The following CADM2 variants were observed in gnomAD, a reference collection of about 807,000 sequenced individuals.
The protein encoded by CADM2 is cell adhesion molecule 2.
Under a neutral mutation model 49.8 loss-of-function variants are expected in CADM2, and 12 were observed. The observed-to-expected ratio is 0.24, with a 90% confidence interval of 0.15 to 0.39. The LOEUF is 0.39. Ranked by LOEUF, CADM2 falls within the 10% of genes least tolerant of loss-of-function variation. CADM2 has a pLI of 1.00. For missense variants in CADM2, 378 were observed against 492.3 expected, an observed-to-expected ratio of 0.77 and a Z score of 2.20; for synonymous variants, 214 against 175.4, an observed-to-expected ratio of 1.22 and a Z score of -1.74.
intron 5 of CADM2, among the ~76,000 whole-genome samples, chr3:85,909,483 A>C (rs897712858): frequency 6.6e-6 from 1 of 151,934 alleles, no homozygotes; most frequent in African/African-American, 2.4e-5. Flanking sequence ...AAAAAGAGAA[A>C]AAGATGGGAA....
intron 1 of CADM2, among the ~76,000 whole-genome samples, chr3:84,964,793 T>C (rs942186500): frequency 2.6e-5 from 4 of 152,212 alleles, no homozygotes; most frequent in African/African-American, 7.2e-5. Context: ...TAAACAGTCA[T>C]GTTGGATTGA....
At chr3:86,024,981 C>A (rs1438867606) in intron 8 of CADM2, among the ~76,000 whole-genome samples, 1 of 151,908 alleles carries the variant, frequency 6.6e-6, no homozygotes, top group Non-Finnish European at 1.5e-5. Context: ...CAGGCTCAAG[C>A]GATTCTCATG....
In CADM2 at chr3:86,000,885, T is replaced by C. The variant is rs527350201; in HGVS notation, c.970+39238T>C. On this transcript the variant is annotated intron_variant, in intron 8 of 9. Transcript: ENST00000383699. ...GAAAGAGAGAGAGGAGAGGTCCTAATTGGTTTTTTAATAAAATAGAAACAT... is the reference window on the plus strand; with the variant it reads ...GAAAGAGAGAGAGGAGAGGTCCTAACTGGTTTTTTAATAAAATAGAAACAT... 7.2e-5 allele frequency among the ~76,000 whole-genome samples: 11 copies of C among 152,196 alleles called. No homozygotes were observed. The South Asian group carries it at 1.9e-3, about 26-fold the overall frequency.
At chr3:84,976,663 C>T (rs1299060810) in intron 1 of CADM2, among the ~76,000 whole-genome samples, 1 of 151,720 alleles carries the variant, frequency 6.6e-6, no homozygotes, top group Non-Finnish European at 1.5e-5. Context: ...CCGAAATGCT[C>T]TATACATTTT....
chr3:86,041,527 G>A (rs1403169382), intron 8 of CADM2, among the ~76,000 whole-genome samples: 1 of 152,128 alleles, frequency 6.6e-6, no homozygotes, highest in African/African-American at 2.4e-5. Context: ...AACAAGAAGA[G>A]CTAACTATCT....
At chr3:85,791,544 A>AAGAG (rs71112119) in intron 2 of CADM2, among the ~76,000 whole-genome samples, 2,816 of 99,916 alleles carry the variant, frequency 0.028, 123 homozygotes, top group African/African-American at 0.092. Flanking sequence ...GAGAGAGAGA[A>AAGAG]AGAGAGAGAG....
intron 1 of CADM2, among the ~76,000 whole-genome samples, chr3:85,363,642 C>T (rs747111144): frequency 4.6e-5 from 7 of 152,144 alleles, no homozygotes; most frequent in African/African-American, 9.7e-5. Context: ...GACGGAGTCT[C>T]GCTGTATGGC....
At chr3:85,681,501 C>A (rs963867077) in intron 1 of CADM2, among the ~76,000 whole-genome samples, 1 of 151,956 alleles carries the variant, frequency 6.6e-6, no homozygotes, top group East Asian at 1.9e-4. Context: ...AATATGCAGG[C>A]TTCTCTAAAT....
chr3:85,086,808 C>G (rs961362744), intron 1 of CADM2, among the ~76,000 whole-genome samples: 5 of 152,122 alleles, frequency 3.3e-5, no homozygotes, highest in African/African-American at 1.2e-4. Context: ...CGCATCCATC[C>G]AGAATAAACT....
intron 1 of CADM2, among the ~76,000 whole-genome samples, chr3:85,309,060 G>A (rs543893427): frequency 6.6e-5 from 10 of 152,184 alleles, no homozygotes; most frequent in African/African-American, 2.4e-4. Context: ...AGTACAAAGA[G>A]ATGACTATAA....
At chr3:85,274,765 A>G (rs1291852350) in intron 1 of CADM2, among the ~76,000 whole-genome samples, 1 of 151,478 alleles carries the variant, frequency 6.6e-6, no homozygotes, top group Non-Finnish European at 1.5e-5. Context: ...AGTTTCATGG[A>G]GCATCTGAAA....
chr3:85,129,621 A>G (rs1308501760), intron 1 of CADM2, among the ~76,000 whole-genome samples: 4 of 152,184 alleles, frequency 2.6e-5, no homozygotes, highest in Non-Finnish European at 5.9e-5. Context: ...ACACATTCTT[A>G]TCGCCTGAGG....
intron 1 of CADM2, among the ~76,000 whole-genome samples, chr3:85,444,001 T>A (rs2037328132): frequency 6.6e-6 from 1 of 152,136 alleles, no homozygotes; most frequent in Non-Finnish European, 1.5e-5. Context: ...ATTTACCATC[T>A]CAGTATTGCT....
chr3:85,571,438 C>T (rs1401355905), intron 1 of CADM2, among the ~76,000 whole-genome samples: 2 of 151,456 alleles, frequency 1.3e-5, no homozygotes, highest in Admixed American at 6.6e-5. Flanking sequence ...ATTTTGCAGG[C>T]CACTCATTTA....
intron 1 of CADM2, among the ~76,000 whole-genome samples, chr3:85,283,350 T>G (rs970641745): frequency 2.0e-5 from 3 of 151,700 alleles, no homozygotes; most frequent in African/African-American, 7.2e-5. Flanking sequence ...ATTATTCTCA[T>G]TAATACTCTT....
At chr3:85,189,423 T>C (rs1369831052) in intron 1 of CADM2, among the ~76,000 whole-genome samples, 1 of 152,108 alleles carries the variant, frequency 6.6e-6, no homozygotes, top group Non-Finnish European at 1.5e-5. Flanking sequence ...TTTGAGGCAA[T>C]TATGTAGGTA....
chr3:86,002,208 G>T (rs975437870), intron 8 of CADM2, among the ~76,000 whole-genome samples: 1 of 152,158 alleles, frequency 6.6e-6, no homozygotes. Context: ...TATCAAGCCT[G>T]CATTTGCCTG....
At chr3:85,088,414 C>A (rs1303512263) in intron 1 of CADM2, among the ~76,000 whole-genome samples, 4 of 152,024 alleles carry the variant, frequency 2.6e-5, no homozygotes, top group Non-Finnish European at 5.9e-5. Context: ...TTGTAATAAG[C>A]AAAACTTAAA....
intron 1 of CADM2, among the ~76,000 whole-genome samples, chr3:85,063,214 T>C (rs1409806914): frequency 6.6e-6 from 1 of 152,018 alleles, no homozygotes; most frequent in African/African-American, 2.4e-5. Flanking sequence ...GGAGAATACA[T>C]ATTATATTTC....
Sources: gnomAD v4.1 joint callset for allele counts (sites outside exome capture counted in the v4.1 genomes callset) on GRCh38, gnomAD v4.1.1 for gene constraint, MANE v1.5 for transcripts, NCBI Gene and HGNC (gene_info 2026-07-23, HGNC 2026-07-21) for gene names.